The following ZBTB20 variants were observed in gnomAD, a reference collection of about 807,000 sequenced individuals.
The protein encoded by ZBTB20 is zinc finger and BTB domain containing 20.
In ZBTB20, 9 loss-of-function variants were observed where a neutral mutation model predicts 56.9. The observed-to-expected ratio is 0.16, with a 90% CI of 0.10 to 0.28. The LOEUF (loss-of-function observed/expected upper bound fraction) is 0.28. Ranked by LOEUF, ZBTB20 falls within the 10% of genes least tolerant of loss-of-function variation. The pLI is 1.00. For synonymous variants in ZBTB20, 417 were observed against 420.7 expected (o/e 0.99, Z 0.11); for missense variants, 655 against 1,003.0 (o/e 0.65, Z 4.69).
chr3:114,899,506 C>G (rs2075021923), intron 4 of ZBTB20, among the ~76,000 whole-genome samples: 2 of 151,930 alleles, frequency 1.3e-5, no homozygotes, highest in Admixed American at 1.3e-4. Flanking sequence ...TACACATTAT[C>G]TAGGGCAGTC....
At chr3:115,004,513 G>A (rs1560482675) in intron 2 of ZBTB20, among the ~76,000 whole-genome samples, 1 of 151,608 alleles carries the variant, frequency 6.6e-6, no homozygotes, top group Non-Finnish European at 1.5e-5. Flanking sequence ...ACACACTAGG[G>A]TTTGTGCCTC....
chr3:114,434,788 G>A (rs1054354119), intron 7 of ZBTB20, among the ~76,000 whole-genome samples: 10 of 152,030 alleles, frequency 6.6e-5, no homozygotes, highest in East Asian at 1.9e-4. Context: ...AAGTGTAGGC[G>A]AACCAAATCA....
At chr3:114,373,034 A>G (rs2083215475) in intron 10 of ZBTB20, among the ~76,000 whole-genome samples, 1 of 151,732 alleles carries the variant, frequency 6.6e-6, no homozygotes, top group African/African-American at 2.4e-5. Flanking sequence ...CTCCTACCTC[A>G]GCCTCCCAAG....
At chr3:115,038,293 T>A (rs371839679) in intron 2 of ZBTB20, among the ~76,000 whole-genome samples, 1 of 152,176 alleles carries the variant, frequency 6.6e-6, no homozygotes, top group African/African-American at 2.4e-5. Flanking sequence ...AAGATACTCA[T>A]AAACCCAATT....
At chr3:114,425,916 T>C (rs1439328072) in intron 7 of ZBTB20, among the ~76,000 whole-genome samples, 1 of 152,234 alleles carries the variant, frequency 6.6e-6, no homozygotes, top group Non-Finnish European at 1.5e-5. Context: ...CATTTTAATA[T>C]ATTGCTTCTC....
chr3:114,537,858 C>T (rs143922012), intron 6 of ZBTB20, among the ~76,000 whole-genome samples: 2,522 of 152,186 alleles, frequency 0.017, 38 homozygotes, highest in Non-Finnish European at 0.027. Flanking sequence ...TGGAAACCAT[C>T]GTTCTCAGTA....
chr3:114,744,406 G>T (rs1358607124), intron 5 of ZBTB20, among the ~76,000 whole-genome samples: 2 of 152,104 alleles, frequency 1.3e-5, no homozygotes, highest in African/African-American at 4.8e-5. Flanking sequence ...ACATTATTTG[G>T]ATACCATAAA....
chr3:115,043,798 T>C (rs2081239736), intron 2 of ZBTB20, among the ~76,000 whole-genome samples: 1 of 152,094 alleles, frequency 6.6e-6, no homozygotes, highest in Non-Finnish European at 1.5e-5. Flanking sequence ...TTGTCTATTA[T>C]GGTTTTAATA....
intron 7 of ZBTB20, among the ~76,000 whole-genome samples, chr3:114,457,547 G>C (rs886446636): frequency 1.3e-5 from 2 of 152,122 alleles, no homozygotes; most frequent in Non-Finnish European, 2.9e-5. Flanking sequence ...AAACTTCAAG[G>C]ATGTTAGGTC....
At chr3:114,678,774 A>G (rs2108230716) in intron 6 of ZBTB20, among the ~76,000 whole-genome samples, 1 of 152,300 alleles carries the variant, frequency 6.6e-6, no homozygotes, top group Admixed American at 6.5e-5. Context: ...TCAGAAAGTT[A>G]TTATAATTTA....
chr3:114,962,390 G>A lies in ZBTB20; in HGVS notation c.-456+11976C>T, dbSNP rs192035495. On this transcript the variant is annotated intron_variant, in intron 3 of 11. Transcript: ENST00000675478. ...GATGTGAGTATCTGGTCCCTTACTG[G>A]AAAGGAAATAAAAACAAGTAATAAG... Among the ~76,000 whole-genome samples the A allele has an allele frequency of 1.7e-3, 259 of 152,130 alleles. 1 individual carries two copies. The highest frequency in any genetic ancestry group is 6.0e-3 in the African/African-American group (249 of 41,532).
intron 7 of ZBTB20, among the ~76,000 whole-genome samples, chr3:114,442,176 T>C (rs1351799411): frequency 6.6e-6 from 1 of 152,128 alleles, no homozygotes; most frequent in Non-Finnish European, 1.5e-5. Flanking sequence ...CAATACCAAG[T>C]TCTTGGCCAA....
intron 5 of ZBTB20, among the ~76,000 whole-genome samples, chr3:114,795,814 A>C (rs1578904706): frequency 6.6e-6 from 1 of 152,120 alleles, no homozygotes; most frequent in African/African-American, 2.4e-5. Context: ...GATCATTTCT[A>C]TATTTCTACT....
chr3:114,839,938 TC>T (rs2074311706), intron 4 of ZBTB20, among the ~76,000 whole-genome samples: 1 of 152,200 alleles, frequency 6.6e-6, no homozygotes, highest in South Asian at 2.1e-4. Flanking sequence ...ACTTCTGGCT[TC>T]CAATTCTGGG....
chr3:115,099,992 T>C (rs552260450), intron 1 of ZBTB20, among the ~76,000 whole-genome samples: 1 of 152,074 alleles, frequency 6.6e-6, no homozygotes, highest in Non-Finnish European at 1.5e-5. Context: ...GGAAGAAAAT[T>C]AGTAAAGGGT....
At chr3:114,821,472 G>C (rs1239823635) in intron 4 of ZBTB20, among the ~76,000 whole-genome samples, 1 of 152,054 alleles carries the variant, frequency 6.6e-6, no homozygotes, top group African/African-American at 2.4e-5. Flanking sequence ...TCTCTAGTTT[G>C]CCTGCAGCTC....
intron 4 of ZBTB20, among the ~76,000 whole-genome samples, chr3:114,850,929 A>T (rs2074969793): frequency 6.6e-6 from 1 of 152,164 alleles, no homozygotes; most frequent in African/African-American, 2.4e-5. Context: ...CAGTTGAGGG[A>T]TTAAAAAAAA....
chr3:114,693,493 T>C (rs1220031851), intron 6 of ZBTB20, 35 bp downstream of exon 6: 1 of 152,140 alleles, frequency 6.6e-6, no homozygotes, highest in Non-Finnish European at 1.5e-5. Context: ...CTCAATATTT[T>C]GGACTGCCAT....
chr3:115,089,177 T>C (rs1029060356), intron 1 of ZBTB20, among the ~76,000 whole-genome samples: 3 of 151,828 alleles, frequency 2.0e-5, no homozygotes, highest in Non-Finnish European at 2.9e-5. Flanking sequence ...GAGTCAGAAA[T>C]TGTATATACT....
Sources: gnomAD v4.1 joint callset for allele counts (sites outside exome capture counted in the v4.1 genomes callset) on GRCh38, gnomAD v4.1.1 for gene constraint, MANE v1.5 for transcripts, NCBI Gene and HGNC (gene_info 2026-07-23, HGNC 2026-07-21) for gene names.